ILDR2: variants seen among roughly 807,000 people sequenced by gnomAD.
ILDR2 encodes the protein immunoglobulin-like domain-containing receptor 2.
A neutral mutation model predicts 66.8 loss-of-function variants in ILDR2; 25 were observed. The observed-to-expected ratio is 0.37, with a 90% CI of 0.27 to 0.52. ILDR2 has a LOEUF of 0.52. Among genes scored for constraint, ILDR2 ranks in the 20% least tolerant of loss-of-function variants. The pLI, the probability that ILDR2 is intolerant of heterozygous loss-of-function variation, is 0.88. For synonymous variants in ILDR2, 367 were observed against 357.2 expected (o/e 1.03, Z -0.31); for missense variants, 827 against 876.8 (o/e 0.94, Z 0.72).
At chr1:166,957,460 T>C (rs1447847262) in intron 2 of ILDR2, among the ~76,000 whole-genome samples, 1 of 152,146 alleles carries the variant, frequency 6.6e-6, no homozygotes, top group Non-Finnish European at 1.5e-5. Flanking sequence ...TGAAGAAGTT[T>C]TTCCCCTAAA....
Position 166,921,116 on chromosome 1 carries a change from T to C in ILDR2, c.1475A>G (p.Asp492Gly). 1 of 1,520,516 alleles carries C rather than the reference T, an allele frequency of 6.6e-7. No individual in the cohort carries two copies. Among genetic ancestry groups the C allele is most frequent in the African/African-American group, 1.4e-5 (1 of 71,224 alleles). The allele number at this position is 1,520,516 out of a possible 1,614,324, so 94.2% of individuals were successfully genotyped here. The change falls in exon 9 of 10, where the codon GAC (aspartate) becomes GGC (glycine). Residue 492 changes from aspartate to glycine, a missense_variant. Asp to Gly is a moderately conservative substitution (Grantham distance 94, BLOSUM62 -1). Transcript: ENST00000271417. This position sits in a 1 kb window ranked among gnomAD's most constrained non-coding sequence, Gnocchi z 5.3. ...SRSREPLTDA[D>G]RGWAFSPARR... ...CGCGGGGCTGAAGGCCCAGCCGCGG[T>C]CAGCATCGGTCAGGGGCTCGCGGCT...
In ILDR2 at chr1:166,915,782, T is replaced by C. The variant is rs548780442; in HGVS notation, c.*3573A>G. Reference sequence around the variant, plus strand: ...TATTTACAGATGTGGTCAGGTGCCTTGGGTTTGGGTGGCAGCCTTTTCTCA... The same window carrying C: ...TATTTACAGATGTGGTCAGGTGCCTCGGGTTTGGGTGGCAGCCTTTTCTCA... On this transcript the variant is annotated 3_prime_UTR_variant, in exon 10 of 10. Transcript: ENST00000271417. 1.3e-5 allele frequency: 2 copies of C among 152,320 alleles called. No individual in the cohort carries two copies. The highest frequency in any genetic ancestry group is 4.8e-5 in the African/African-American group (2 of 41,550). 9.4% of individuals were successfully genotyped at this position (152,320 alleles called of 1,614,324 possible).
chr1:166,960,577 C>T (rs1441941441), intron 1 of ILDR2, among the ~76,000 whole-genome samples: 3 of 152,250 alleles, frequency 2.0e-5, no homozygotes, highest in East Asian at 1.9e-4. Context: ...GCACTGTGAC[C>T]GGTAAAGAGT....
At chr1:166,939,286 G>T in intron 4 of ILDR2, among the ~76,000 whole-genome samples, 1 of 152,212 alleles carries the variant, frequency 6.6e-6, no homozygotes, top group Non-Finnish European at 1.5e-5. Context: ...CTGAAGGACT[G>T]GGTTGCCATC....
At chr1:166,958,167 T>C (rs1395973984) in intron 1 of ILDR2, 66 bp from the exon 2 acceptor site, 1 of 1,326,626 alleles carries the variant, frequency 7.5e-7, no homozygotes, top group African/African-American at 1.5e-5. Flanking sequence ...CATCACATGA[T>C]CACACCTTTC....
chr1:166,924,383 T>C (rs1277065820), intron 7 of ILDR2, among the ~76,000 whole-genome samples: 1 of 152,188 alleles, frequency 6.6e-6, no homozygotes, highest in African/African-American at 2.4e-5. Context: ...TCCTTAAACT[T>C]CAGGGAATAC....
intron 4 of ILDR2, among the ~76,000 whole-genome samples, chr1:166,939,031 A>G (rs942374051): frequency 1.3e-5 from 2 of 152,198 alleles, no homozygotes; most frequent in African/African-American, 4.8e-5. Context: ...TAGGTCTGCA[A>G]ATTTGTATTT....
In ILDR2 at chr1:166,920,789, C is replaced by G. The variant is rs1659875384; in HGVS notation, c.1802G>C (p.Arg601Pro). The stretch of plus-strand genomic sequence containing the variant: ...GTCGCGGCCGCGGTAGGACGGGCCG[C>G]GGGTCAGCTCCAGCTCGCTGTAGGG... ...LPPYSELELT[R>P]GPSYRGRDLP... The change falls in exon 9 of 10, where the codon CGC becomes CCC. Residue 601 changes from arginine to proline, a missense_variant. By Grantham distance (103) the Arg-to-Pro change is moderately radical (BLOSUM62 -2). Coordinates refer to ENST00000271417, the MANE Select transcript of ILDR2 (RefSeq NM_199351.3). 6.6e-7 allele frequency: 1 copy of G among 1,525,754 alleles called. No homozygotes were observed. The highest frequency in any genetic ancestry group is 8.8e-7 in the Non-Finnish European group (1 of 1,137,402). The allele number at this position is 1,525,754 out of a possible 1,614,324, so 94.5% of individuals were successfully genotyped here. A position where few individuals can be genotyped will look rare whatever the true frequency, so the allele number is the denominator to read the frequency against.
At chr1:166,962,672 G>A (rs1336222983) in intron 1 of ILDR2, among the ~76,000 whole-genome samples, 1 of 152,084 alleles carries the variant, frequency 6.6e-6, no homozygotes, top group Non-Finnish European at 1.5e-5. Context: ...TGCCCTGGGA[G>A]TAGGGGAGTA....
intron 2 of ILDR2, among the ~76,000 whole-genome samples, chr1:166,902,771 C>T (rs1305806628): frequency 1.3e-5 from 2 of 152,302 alleles, no homozygotes; most frequent in Admixed American, 1.3e-4. Context: ...CAGTTTATGT[C>T]AAGTTTTCTG....
At chr1:166,928,999 A>G (rs1660468389) in intron 6 of ILDR2, among the ~76,000 whole-genome samples, 1 of 152,208 alleles carries the variant, frequency 6.6e-6, no homozygotes, top group Non-Finnish European at 1.5e-5. Context: ...AGACAGTTCA[A>G]TTAAAATGCA....
intron 3 of ILDR2, among the ~76,000 whole-genome samples, chr1:166,939,888 G>A (rs1045960226): frequency 3.3e-5 from 5 of 152,106 alleles, no homozygotes; most frequent in South Asian, 2.1e-4. Context: ...TTATACATCC[G>A]TCTCCATACA....
chr1:166,935,409 A>C lies in ILDR2; in HGVS notation c.772T>G (p.Ser258Ala). 2.5e-6 allele frequency: 4 copies of C among 1,613,880 alleles called. No individual in the cohort carries two copies. The highest frequency in any genetic ancestry group is 3.4e-6 in the Non-Finnish European group (4 of 1,179,916). ...CCTCCCAAAGGGACAGAGGGGATGG[A>C]GTAAGGGCCGGGGACACCGGAGACA... ...PSVSGVPGPY[S>A]IPSVPLGGAP... Residue 258 changes from serine (S) to alanine (A), a missense_variant, in exon 6 of 10, where the codon TCC becomes GCC. By Grantham distance (99) the Ser-to-Ala change is moderately conservative (BLOSUM62 1). This residue lies in a region of ILDR2 where 437 missense variants were observed against 523.2 expected (regional missense o/e 0.84). Coordinates refer to ENST00000271417, the MANE Select transcript of ILDR2 (RefSeq NM_199351.3).
chr1:166,960,846 T>A (rs1004977169), intron 1 of ILDR2, among the ~76,000 whole-genome samples: 1 of 152,226 alleles, frequency 6.6e-6, no homozygotes, highest in Admixed American at 6.5e-5. Flanking sequence ...AATAAATTTC[T>A]TTATAGTTTC....
intron 3 of ILDR2, among the ~76,000 whole-genome samples, chr1:166,943,023 T>C (rs1000926700): frequency 3.3e-5 from 5 of 152,226 alleles, no homozygotes; most frequent in African/African-American, 7.2e-5. Flanking sequence ...ATCTGATGCT[T>C]CAGAAGGTGA....
At chr1:166,938,030 A>C (rs1238530687) in intron 4 of ILDR2, among the ~76,000 whole-genome samples, 2 of 152,224 alleles carry the variant, frequency 1.3e-5, no homozygotes, top group Non-Finnish European at 2.9e-5. Flanking sequence ...TGTTTCCTGA[A>C]TGTCCCTCCT....
chr1:166,972,484 T>C (rs1436275131), intron 1 of ILDR2, among the ~76,000 whole-genome samples: 1 of 152,186 alleles, frequency 6.6e-6, no homozygotes, highest in Admixed American at 6.5e-5. Context: ...AGCATTTTGT[T>C]TTGTTCAAAA....
rs1660985187 is a variant in ILDR2 at position 166,936,445 on chromosome 1, G to A, written c.703+146C>T. The A allele has an allele frequency of 1.6e-6, 2 of 1,223,642 alleles. No homozygotes were observed. Among genetic ancestry groups the A allele is most frequent in the South Asian group, 1.5e-5 (1 of 66,972 alleles). The allele number at this position is 1,223,642 out of a possible 1,614,324, so 75.8% of individuals were successfully genotyped here. On this transcript the variant is annotated intron_variant, in intron 5 of 9. Coordinates refer to ENST00000271417, the MANE Select transcript of ILDR2 (RefSeq NM_199351.3). This position sits in a 1 kb window ranked among gnomAD's most constrained non-coding sequence, Gnocchi z 5.0. Reference sequence around the variant, plus strand: ...AGAATGGTCATCCCTGAGGCCAGGGGCACCCAGCGGAGAAGAGTCTGGAAT... The same window carrying A: ...AGAATGGTCATCCCTGAGGCCAGGGACACCCAGCGGAGAAGAGTCTGGAAT...
At chr1:166,946,673 A>G (rs1661631616) in intron 3 of ILDR2, among the ~76,000 whole-genome samples, 3 of 152,132 alleles carry the variant, frequency 2.0e-5, no homozygotes, top group Admixed American at 6.5e-5. Context: ...AAGTCACACA[A>G]TTCACTAATG....
Sources: allele counts gnomAD v4.1 joint callset (sites outside exome capture counted in the v4.1 genomes callset), GRCh38; gene constraint gnomAD v4.1.1; regional missense constraint gnomAD v4.1.1; non-coding constraint Gnocchi (gnomAD v3.1); transcripts MANE v1.5; gene names NCBI Gene and HGNC (gene_info 2026-07-23, HGNC 2026-07-21).